The following CACNA1S variants were observed in gnomAD, a reference collection of about 807,000 sequenced individuals.
CACNA1S encodes voltage-dependent L-type calcium channel subunit alpha-1S.
CACNA1S carries 126 observed loss-of-function variants against 207.4 expected under a neutral mutation model. The observed-to-expected ratio is 0.61, with a 90% CI of 0.53 to 0.70. The LOEUF (loss-of-function observed/expected upper bound fraction) is 0.70, where lower values mean the gene tolerates loss of function less well. CACNA1S is among the 30% of genes least tolerant of loss of function. The probability of loss-of-function intolerance (pLI) is 0.00; values close to 1 mark genes in which losing one functional copy is unlikely to be tolerated. For synonymous variants in CACNA1S, 960 were observed against 932.7 expected (o/e 1.03, Z -0.53); for missense variants, 2,349 against 2,422.8 (o/e 0.97, Z 0.64).
chr1:201,075,259 T>C (rs1661565991), intron 13 of CACNA1S, among the ~76,000 whole-genome samples: 1 of 152,122 alleles, frequency 6.6e-6, no homozygotes, highest in South Asian at 2.1e-4. Context: ...GGCTTTTAAT[T>C]CCTCCCAGCT....
intron 2 of CACNA1S, among the ~76,000 whole-genome samples, chr1:201,101,541 G>A (rs1199460926): frequency 6.6e-6 from 1 of 152,274 alleles, no homozygotes; most frequent in African/African-American, 2.4e-5. Flanking sequence ...CCCGGCTGGG[G>A]CAGGGCCGGG....
intron 2 of CACNA1S, among the ~76,000 whole-genome samples, chr1:201,099,357 T>C (rs1010664026): frequency 6.6e-6 from 1 of 152,160 alleles, no homozygotes; most frequent in Admixed American, 6.5e-5. Flanking sequence ...TGAAAGGACC[T>C]TACTGGGCTG....
At chr1:201,091,562 C>G (rs1435223194) in intron 5 of CACNA1S, 78 bp downstream of exon 5, 8 of 1,539,992 alleles carry the variant, frequency 5.2e-6, no homozygotes, top group Non-Finnish European at 7.2e-6. Flanking sequence ...CTCCGGGCTC[C>G]TTCACCAGGT....
rs543850144 is a variant in CACNA1S at position 201,053,294 on chromosome 1, G to T, written c.3796-20C>A. 4 of 1,613,904 alleles carry T rather than the reference G, an allele frequency of 2.5e-6. No homozygotes were observed. Among genetic ancestry groups the T allele is most frequent in the Admixed American group, 3.3e-5 (2 of 60,028 alleles). On this transcript the variant is annotated intron_variant, in intron 30 of 43. Transcript: ENST00000362061. The surrounding 1 kb of genome is among the most constrained non-coding windows in gnomAD (Gnocchi z 5.1). Reference sequence around the variant, plus strand: ...TAGGGCCTGCAGGGCGGGCGGGAGCGCCAGTCAGTGTCTTAGGGCTCCACT... The same window carrying T: ...TAGGGCCTGCAGGGCGGGCGGGAGCTCCAGTCAGTGTCTTAGGGCTCCACT...
chr1:201,051,814 C>T (rs1438225778), intron 32 of CACNA1S, among the ~76,000 whole-genome samples: 6 of 152,182 alleles, frequency 3.9e-5, no homozygotes, highest in Admixed American at 6.5e-5. Flanking sequence ...CTAGAGCAGG[C>T]AGTGCAGGGT....
Position 201,075,514 on chromosome 1 carries a change from G to A in CACNA1S, c.1929C>T (p.Ile643=). Residue 643 remains isoleucine (I), a synonymous_variant, in exon 13 of 44, where the codon ATC becomes ATT. Coordinates refer to ENST00000362061, the MANE Select transcript of CACNA1S (RefSeq NM_000069.3). ...GGATACAGTTGCCACAGACGAAAAG[G>A]ATGATGAAGTAAATGCACACAAGCA... is the stretch of plus-strand genomic sequence containing the variant. The part of the protein sequence containing the change: ...PGMLVCIYFI[I]LFVCGNYILL... 1.2e-6 allele frequency: 2 copies of A among 1,613,910 alleles called. No homozygotes were observed. The highest frequency in any genetic ancestry group is 1.7e-6 in the Non-Finnish European group (2 of 1,179,988).
At position 201,053,263 on chromosome 1, in the gene CACNA1S, G is replaced by A. The variant is rs990173222; in HGVS notation, c.3807C>T (p.Tyr1269=). The change falls in exon 31 of 44, where the codon TAC becomes TAT. Residue 1269 remains tyrosine, a synonymous_variant. Coordinates refer to ENST00000362061, the MANE Select transcript of CACNA1S (RefSeq NM_000069.3). The surrounding 1 kb of genome is among the most constrained non-coding windows in gnomAD (Gnocchi z 5.1). The part of the protein sequence containing the change: ...TFIKSFQALP[Y]VALLIVMLFF... ...AGAGCATGACGATGAGCAGAGCCACGTAGGGTAGGGCCTGCAGGGCGGGCG... is the reference window on the plus strand; with the variant it reads ...AGAGCATGACGATGAGCAGAGCCACATAGGGTAGGGCCTGCAGGGCGGGCG... 23 of 1,614,080 alleles carry A rather than the reference G, an allele frequency of 1.4e-5. No homozygotes were observed. Among genetic ancestry groups the A allele is most frequent in the African/African-American group, 6.7e-5 (5 of 74,932 alleles).
chr1:201,048,640 G>A lies in CACNA1S; in HGVS notation c.4383C>T (p.Val1461=). The change falls in exon 36 of 44, where the codon GTC becomes GTT. Residue 1461 remains valine, a synonymous_variant. Coordinates refer to ENST00000362061, the MANE Select transcript of CACNA1S (RefSeq NM_000069.3). ...GGGCAAAGAGTGTGGCATTGAAGGT[G>A]ACTGTGCCGTCGCTGTTCAGGGGCA... is the stretch of plus-strand genomic sequence containing the variant. ...MNMPLNSDGT[V]TFNATLFALV... 2 of 1,613,898 alleles carry A rather than the reference G, an allele frequency of 1.2e-6. No homozygotes were observed. Among genetic ancestry groups the A allele is most frequent in the Non-Finnish European group, 1.7e-6 (2 of 1,180,038 alleles).
At chr1:201,095,900 C>A (rs1453580754) in intron 2 of CACNA1S, among the ~76,000 whole-genome samples, 2 of 152,188 alleles carry the variant, frequency 1.3e-5, no homozygotes, top group Non-Finnish European at 2.9e-5. Context: ...GTCTCCCCTC[C>A]TCTGTAGGAC....
At position 201,053,336 on chromosome 1, in the gene CACNA1S, G is replaced by GCCCTCTGTTAGCTCCCCAGGGCTCT; in HGVS notation, c.3796-87_3796-63dup. 1 of 1,610,492 alleles carries GCCCTCTGTTAGCTCCCCAGGGCTCT rather than the reference G, an allele frequency of 6.2e-7. No homozygotes were observed. On this transcript the variant is annotated intron_variant, in intron 30 of 43. Coordinates refer to ENST00000362061, the MANE Select transcript of CACNA1S (RefSeq NM_000069.3). The surrounding 1 kb of genome is among the most constrained non-coding windows in gnomAD (Gnocchi z 5.1). ...GGCTCCACTGTGTGTCTGCAGCCCT[G>GCCCTCTGTTAGCTCCCCAGGGCTCT]CCCTCTGTTAGCTCCCCAGGGCTCT...
chr1:201,047,395 C>T (rs570706413), intron 37 of CACNA1S, 130 bp downstream of exon 37: 5 of 1,252,374 alleles, frequency 4.0e-6, no homozygotes, highest in East Asian at 4.8e-5. Flanking sequence ...GTTGGATGCC[C>T]GTGGGATCTA....
chr1:201,103,863 G>A (rs1304501031), intron 2 of CACNA1S, among the ~76,000 whole-genome samples: 1 of 152,172 alleles, frequency 6.6e-6, no homozygotes, highest in African/African-American at 2.4e-5. Context: ...CGTGGAGGAC[G>A]CTGCAGCAAC....
At chr1:201,075,437 G>T in intron 13 of CACNA1S, 58 bp downstream of exon 13, 1 of 1,600,288 alleles carries the variant, frequency 6.2e-7, no homozygotes, top group Non-Finnish European at 8.5e-7. Flanking sequence ...CCCATTTTAA[G>T]CCCTTTCCCC....
At chr1:201,106,730 C>T (rs917081429) in intron 2 of CACNA1S, among the ~76,000 whole-genome samples, 1 of 152,184 alleles carries the variant, frequency 6.6e-6, no homozygotes, top group East Asian at 1.9e-4. Context: ...GCCCGACATC[C>T]TGTGCCCTGG....
Position 201,061,320 on chromosome 1 carries a change from A to T in CACNA1S, c.3202T>A (p.Phe1068Ile). Reference sequence around the variant, plus strand: ...TACTCAGTCTCTCCCTGCTCCTGGAAGGTGACAATGACGAAGCCCACAAAG... The same window carrying T: ...TACTCAGTCTCTCCCTGCTCCTGGATGGTGACAATGACGAAGCCCACAAAG... ...NIFVGFVIVT[F>I]QEQGETEYKN... The change falls in exon 25 of 44, where the codon TTC becomes ATC. Residue 1068 changes from phenylalanine (F) to isoleucine (I), a missense_variant. Phe to Ile is a conservative substitution (Grantham distance 21). Coordinates refer to ENST00000362061, the MANE Select transcript of CACNA1S (RefSeq NM_000069.3). 1 of 1,614,236 alleles carries T rather than the reference A, an allele frequency of 6.2e-7. No homozygotes were observed. Among genetic ancestry groups the T allele is most frequent in the Non-Finnish European group, 8.5e-7 (1 of 1,180,046 alleles).
At chr1:201,077,590 C>T (rs932941638) in intron 11 of CACNA1S, among the ~76,000 whole-genome samples, 1 of 152,214 alleles carries the variant, frequency 6.6e-6, no homozygotes, top group African/African-American at 2.4e-5. Context: ...GTCCTCCTTC[C>T]CTCTTCCCAT....
rs1662442316 is a variant in CACNA1S, at chr1:201,096,573, C to T, written c.259-2552G>A. 2.0e-5 allele frequency among the ~76,000 whole-genome samples: 3 copies of T among 152,352 alleles called. No individual in the cohort carries two copies. The South Asian group carries it at 6.2e-4, about 32-fold the overall frequency. On this transcript the variant is annotated intron_variant, in intron 2 of 43. Coordinates refer to ENST00000362061, the MANE Select transcript of CACNA1S (RefSeq NM_000069.3). ...ATTTCCTGTGACACCCCCAAGCATC[C>T]ATCGTGGGCAGGTGGGAGGCAGAAG...
intron 2 of CACNA1S, among the ~76,000 whole-genome samples, chr1:201,109,718 G>GCTTCA (rs1230561406): frequency 6.6e-5 from 10 of 152,150 alleles, no homozygotes; most frequent in African/African-American, 1.9e-4. Flanking sequence ...TCAGATTCCT[G>GCTTCA]GATAAAACTC....
rs150035964 is a variant in CACNA1S, at chr1:201,056,147, C to T, written c.3610-1586G>A. Among the ~76,000 whole-genome samples, 696 of 152,084 alleles carry T rather than the reference C, an allele frequency of 4.6e-3. 8 individuals carry two copies. The highest frequency in any genetic ancestry group is 0.015 in the African/African-American group (642 of 41,444). Reference sequence around the variant, plus strand: ...CCCACCCTGCCCCTCGCTAGCTCAGCGCCCCCAGGGGATCTGAGCAGATGG... The same window carrying T: ...CCCACCCTGCCCCTCGCTAGCTCAGTGCCCCCAGGGGATCTGAGCAGATGG... On this transcript the variant is annotated intron_variant, in intron 28 of 43. Coordinates refer to ENST00000362061, the MANE Select transcript of CACNA1S (RefSeq NM_000069.3).
Sources: allele counts gnomAD v4.1 joint callset (sites outside exome capture counted in the v4.1 genomes callset), GRCh38; gene constraint gnomAD v4.1.1; non-coding constraint Gnocchi (gnomAD v3.1); transcripts MANE v1.5; gene names NCBI Gene and HGNC (gene_info 2026-07-23, HGNC 2026-07-21).